Variants in SLC35B4 observed in about 807,000 individuals in gnomAD.
SLC35B4 encodes the protein solute carrier family 35 member B4.
In SLC35B4, 28 loss-of-function variants were observed where a neutral mutation model predicts 39.5. That is an observed-to-expected ratio of 0.71 (90% CI 0.53 to 0.97). The LOEUF (loss-of-function observed/expected upper bound fraction) is 0.97. Ranked by LOEUF, SLC35B4 falls within the 50% of genes least tolerant of loss-of-function variation. SLC35B4 has a pLI of 0.00. For synonymous variants in SLC35B4, 145 were observed against 150.4 expected, an observed-to-expected ratio of 0.96 and a Z score of 0.26; for missense variants, 334 against 414.3, an observed-to-expected ratio of 0.81 and a Z score of 1.68.
Position 134,289,536 on chromosome 7 carries a change from A to G in SLC35B4, c.*5297T>C, listed in dbSNP as rs1357255215. The G allele has an allele frequency of 6.6e-6, 1 of 152,574 alleles. No individual in the cohort carries two copies. Among genetic ancestry groups the G allele is most frequent in the Admixed American group, 6.5e-5 (1 of 15,272 alleles). 9.5% of individuals were successfully genotyped at this position (152,574 alleles called of 1,614,324 possible). A position where few individuals can be genotyped will look rare whatever the true frequency, so the allele number is the denominator to read the frequency against. On this transcript the variant is annotated 3_prime_UTR_variant, in exon 10 of 10. Transcript: ENST00000378509. ...TTTGTTCTTAAAACCTAATGGTAAT[A>G]CTGTATGAAGAGCTCAGACGGGATG... is the stretch of plus-strand genomic sequence containing the variant.
rs1387466578 is a variant in SLC35B4 at position 134,293,860 on chromosome 7, T to A, written c.*973A>T. On this transcript the variant is annotated 3_prime_UTR_variant, in exon 10 of 10. Coordinates refer to ENST00000378509, the MANE Select transcript of SLC35B4 (RefSeq NM_032826.5). ...CAGGCGGGAGTGCAGTAGCACGACC[T>A]CAGCTCACTGCAACCTTCATCTCCC... The A allele has an allele frequency of 6.6e-6, 1 of 150,680 alleles. No homozygotes were observed. Among genetic ancestry groups the A allele is most frequent in the African/African-American group, 2.4e-5 (1 of 40,844 alleles). The allele number at this position is 150,680 out of a possible 1,614,324, so 9.3% of individuals were successfully genotyped here. A position where few individuals can be genotyped will look rare whatever the true frequency, so the allele number is the denominator to read the frequency against.
chr7:134,306,650 C>T (rs1330322254), intron 3 of SLC35B4, 22 bp downstream of exon 3: 1 of 1,584,292 alleles, frequency 6.3e-7, no homozygotes, highest in South Asian at 1.1e-5. Flanking sequence ...GGAACATATA[C>T]ACGTGATCCG....
In SLC35B4 at chr7:134,309,512, G is replaced by A. The variant is rs200151390; in HGVS notation, c.78-33C>T. On this transcript the variant is annotated intron_variant, in intron 1 of 9. Coordinates refer to ENST00000378509, the MANE Select transcript of SLC35B4 (RefSeq NM_032826.5). ...GTGAATAATAAAAGAGGGGGTGAAG[G>A]CACAAAAACTGAGATACAGAACACT... The A allele has an allele frequency of 3.5e-5, 51 of 1,468,834 alleles. No individual in the cohort carries two copies. The Admixed American group carries it at 6.3e-4, about 18-fold the overall frequency. 91.0% of individuals were successfully genotyped at this position (1,468,834 alleles called of 1,614,324 possible).
upstream of SLC35B4, among the ~76,000 whole-genome samples, chr7:134,318,966 A>G (rs1457858960): frequency 1.3e-5 from 2 of 152,202 alleles, no homozygotes; most frequent in Non-Finnish European, 2.9e-5. Context: ...GAGATTCTGC[A>G]TTTCTAAGTA....
chr7:134,309,110 T>C (rs1328134587), intron 2 of SLC35B4, among the ~76,000 whole-genome samples: 3 of 152,150 alleles, frequency 2.0e-5, no homozygotes, highest in Non-Finnish European at 2.9e-5. Flanking sequence ...ACTAATCCTA[T>C]ACTAAATAAG....
rs1054000285 is a variant in SLC35B4 at position 134,306,882 on chromosome 7, G to A, written c.192-108C>T. The A allele has an allele frequency of 5.1e-6, 4 of 791,958 alleles. No homozygotes were observed. In the Admixed American group the frequency reaches 7.8e-5, roughly 15 times the overall value. The allele number at this position is 791,958 out of a possible 1,614,324, so 49.1% of individuals were successfully genotyped here. ...AAAAGGCATTTTGCCTGTTTCCTCT[G>A]CGTTGCAAGATTGCATCACTATTAT... On this transcript the variant is annotated intron_variant, in intron 2 of 9. Transcript: ENST00000378509.
chr7:134,301,955 G>C, intron 5 of SLC35B4, 74 bp downstream of exon 5: 1 of 1,532,662 alleles, frequency 6.5e-7, no homozygotes, highest in Non-Finnish European at 9.0e-7. Context: ...ATAAAAATTT[G>C]AATTGTATTA....
Position 134,316,674 on chromosome 7 carries a change from C to T in SLC35B4, c.77+1G>A. ...GGGTGCGGCCCGAGCGGGTCACTCACCGGGCCAGGAGCTCTAGGAAGATCA... is the reference window on the plus strand; with the variant it reads ...GGGTGCGGCCCGAGCGGGTCACTCATCGGGCCAGGAGCTCTAGGAAGATCA... On this transcript the variant is annotated splice_donor_variant, in intron 1 of 9. Coordinates refer to ENST00000378509, the MANE Select transcript of SLC35B4 (RefSeq NM_032826.5). LOFTEE classifies it high-confidence loss of function. 1.3e-6 allele frequency: 2 copies of T among 1,550,110 alleles called. No homozygotes were observed. The highest frequency in any genetic ancestry group is 2.4e-5 in the East Asian group (1 of 40,888).
intron 1 of SLC35B4, among the ~76,000 whole-genome samples, chr7:134,311,086 A>T (rs2544225): frequency 6.6e-6 from 1 of 151,644 alleles, no homozygotes; most frequent in African/African-American, 2.4e-5. Flanking sequence ...TGAAACAGAA[A>T]TGTTGCTACT....
upstream of SLC35B4, among the ~76,000 whole-genome samples, chr7:134,318,252 C>T (rs1563221636): frequency 1.3e-5 from 2 of 152,126 alleles, no homozygotes; most frequent in South Asian, 2.1e-4. Flanking sequence ...AAGCACTCCA[C>T]GTTCTAATTC....
Position 134,293,366 on chromosome 7 carries a change from A to G in SLC35B4, c.*1467T>C, listed in dbSNP as rs1225699085. ...ACAGCAACAGCGTTCCTCCTATTCA[A>G]GATTGTCCAGTGAAAGGAAAACTGG... On this transcript the variant is annotated 3_prime_UTR_variant, in exon 10 of 10. Transcript: ENST00000378509. The G allele has an allele frequency of 6.6e-6, 1 of 152,260 alleles. No individual in the cohort carries two copies. Among genetic ancestry groups the G allele is most frequent in the Non-Finnish European group, 1.5e-5 (1 of 68,060 alleles). 9.4% of individuals were successfully genotyped at this position (152,260 alleles called of 1,614,324 possible).
chr7:134,299,195 C>A, intron 8 of SLC35B4: 1 of 194,936 alleles, frequency 5.1e-6, no homozygotes, highest in Non-Finnish European at 1.0e-5. Flanking sequence ...GGCTGCCCAA[C>A]TTCGCAGGGC....
Position 134,313,730 on chromosome 7 carries a change from T to C in SLC35B4, c.77+2945A>G, listed in dbSNP as rs1194066963. Among the ~76,000 whole-genome samples the C allele has an allele frequency of 2.6e-5, 4 of 152,338 alleles. No individual in the cohort carries two copies. In the East Asian group the frequency reaches 7.7e-4, roughly 29 times the overall value. On this transcript the variant is annotated intron_variant, in intron 1 of 9. Transcript: ENST00000378509. ...ATTTAGTGTTATACTTGCTACTTAT[T>C]AGGGCACCTACTGGCTCCAAGCCAG...
intron 8 of SLC35B4, 96 bp from the exon 9 acceptor site, chr7:134,296,562 C>T: frequency 2.5e-6 from 2 of 809,172 alleles, no homozygotes; most frequent in Non-Finnish European, 4.1e-6. Context: ...ATAATAGGAA[C>T]AGCAACATTG....
At chr7:134,307,450 G>C (rs573021931) in intron 2 of SLC35B4, among the ~76,000 whole-genome samples, 1 of 152,060 alleles carries the variant, frequency 6.6e-6, no homozygotes, top group Non-Finnish European at 1.5e-5. Context: ...TCATCACTGT[G>C]ATTCAGAAAA....
intron 8 of SLC35B4, among the ~76,000 whole-genome samples, chr7:134,297,504 G>C (rs1420769500): frequency 2.0e-5 from 3 of 151,858 alleles, no homozygotes; most frequent in Admixed American, 6.5e-5. Flanking sequence ...ATAAACAAAG[G>C]CACTTTCATT....
Position 134,293,480 on chromosome 7 carries a change from A to C in SLC35B4, c.*1353T>G, listed in dbSNP as rs1803379955. On this transcript the variant is annotated 3_prime_UTR_variant, in exon 10 of 10. Coordinates refer to ENST00000378509, the MANE Select transcript of SLC35B4 (RefSeq NM_032826.5). ...CTCAATACCCATCGAGAATGCTAAG[A>C]TACCTCATAGGACAATAACAACTTT... The C allele has an allele frequency of 6.6e-6, 1 of 152,242 alleles. No homozygotes were observed. The highest frequency in any genetic ancestry group is 2.4e-5 in the African/African-American group (1 of 41,456). The allele number at this position is 152,242 out of a possible 1,614,324, so 9.4% of individuals were successfully genotyped here.
At position 134,293,806 on chromosome 7, in the gene SLC35B4, T is replaced by C. The variant is rs1803393274; in HGVS notation, c.*1027A>G. On this transcript the variant is annotated 3_prime_UTR_variant, in exon 10 of 10. Coordinates refer to ENST00000378509, the MANE Select transcript of SLC35B4 (RefSeq NM_032826.5). ...TAACAACCTTTCTTTTTTTTTTTTT[T>C]TTTTGAGATAGAGTCTCACTCTGTC... 1 of 152,648 alleles carries C rather than the reference T, an allele frequency of 6.6e-6. No individual in the cohort carries two copies. The highest frequency in any genetic ancestry group is 2.4e-5 in the African/African-American group (1 of 41,306). 9.5% of individuals were successfully genotyped at this position (152,648 alleles called of 1,614,324 possible).
intron 6 of SLC35B4, among the ~76,000 whole-genome samples, chr7:134,301,182 T>C (rs922698353): frequency 6.6e-5 from 10 of 152,220 alleles, no homozygotes; most frequent in African/African-American, 1.7e-4. Context: ...CCGTTATTGT[T>C]GTCATTGAAA....
Sources: allele counts gnomAD v4.1 joint callset (sites outside exome capture counted in the v4.1 genomes callset), GRCh38; gene constraint gnomAD v4.1.1; transcripts MANE v1.5; gene names NCBI Gene and HGNC (gene_info 2026-07-23, HGNC 2026-07-21).